The following C3orf49 variants were observed in gnomAD, a reference collection of about 807,000 sequenced individuals.
C3orf49 encodes putative uncharacterized protein C3orf49.
A neutral mutation model predicts 13.3 loss-of-function variants in C3orf49; 27 were observed. That is an observed-to-expected ratio of 2.02 (90% CI 1.49 to 2.79). C3orf49 has a LOEUF of 2.79. Among genes scored for constraint, C3orf49 ranks in the 30% most tolerant of loss-of-function variants. The pLI is 0.00. For synonymous variants in C3orf49, 87 were observed against 47.6 expected, an observed-to-expected ratio of 1.83 and a Z score of -3.40; for missense variants, 242 against 134.2, an observed-to-expected ratio of 1.80 and a Z score of -3.97.
chr3:63,832,549 C>T (rs541377483), intron 5 of C3orf49, among the ~76,000 whole-genome samples: 4 of 152,062 alleles, frequency 2.6e-5, no homozygotes, highest in Non-Finnish European at 5.9e-5. Flanking sequence ...GTAGTCCCAG[C>T]TACTCGGGAG....
chr3:63,841,381 T>G (rs1701757006), intron 5 of C3orf49, among the ~76,000 whole-genome samples: 1 of 152,230 alleles, frequency 6.6e-6, no homozygotes, highest in Admixed American at 6.5e-5. Flanking sequence ...TTTTCTGTTT[T>G]GTTTTTTATA....
chr3:63,789,929 C>T, the C3orf49 span, among the ~76,000 whole-genome samples: 2 of 151,884 alleles, frequency 1.3e-5, no homozygotes, highest in African/African-American at 4.8e-5. Flanking sequence ...ATATTAGATC[C>T]CTCTCATACA....
upstream of C3orf49, among the ~76,000 whole-genome samples, chr3:63,817,118 G>A (rs995355241): frequency 5.3e-5 from 8 of 151,882 alleles, no homozygotes; most frequent in African/African-American, 1.9e-4. Context: ...TTCCACCTCC[G>A]GGCTTTGGCA....
At chr3:63,811,893 C>T in the C3orf49 span, among the ~76,000 whole-genome samples, 1 of 149,944 alleles carries the variant, frequency 6.7e-6, no homozygotes, top group Non-Finnish European at 1.5e-5. Flanking sequence ...AAAGACAGAA[C>T]CAATAGAAAA....
At chr3:63,792,141 C>A in the C3orf49 span, among the ~76,000 whole-genome samples, 284 of 152,330 alleles carry the variant, frequency 1.9e-3, no homozygotes, top group Middle Eastern at 6.8e-3. Context: ...TTAGCAATGG[C>A]ATGACTACCA....
At chr3:63,811,336 A>T in the C3orf49 span, among the ~76,000 whole-genome samples, 18 of 151,608 alleles carry the variant, frequency 1.2e-4, no homozygotes, top group East Asian at 3.0e-3. Context: ...AGGCGAGCGG[A>T]TCACGAGGTC....
intron 5 of C3orf49, among the ~76,000 whole-genome samples, chr3:63,837,130 G>C (rs1247293281): frequency 6.6e-6 from 1 of 151,662 alleles, no homozygotes; most frequent in Non-Finnish European, 1.5e-5. Context: ...TTTTAGAACT[G>C]AGCATATTAA....
At chr3:63,803,169 C>G in the C3orf49 span, among the ~76,000 whole-genome samples, 3 of 152,192 alleles carry the variant, frequency 2.0e-5, no homozygotes, top group African/African-American at 4.8e-5. Flanking sequence ...ATGTCTCTTT[C>G]CTGCACAACT....
At chr3:63,816,689 G>C (rs1282871207), upstream of C3orf49, among the ~76,000 whole-genome samples, 1 of 151,512 alleles carries the variant, frequency 6.6e-6, no homozygotes, top group African/African-American at 2.4e-5. Flanking sequence ...CAAGAGATTT[G>C]GTCCTCCCTC....
In C3orf49 at chr3:63,835,025, C is replaced by A. The variant is rs867863832; in HGVS notation, c.849+3181C>A. 3.5e-6 allele frequency: 3 copies of A among 851,194 alleles called. No homozygotes were observed. The Admixed American group carries it at 8.9e-5, about 25-fold the overall frequency. The allele number at this position is 851,194 out of a possible 1,614,324, so 52.7% of individuals were successfully genotyped here. A position where few individuals can be genotyped will look rare whatever the true frequency, so the allele number is the denominator to read the frequency against. Reference sequence around the variant, plus strand: ...AAAGTTGAACATGAGTACCTTCTAACGTCATCCAGCTACACTGTTCAGAAA... The same window carrying A: ...AAAGTTGAACATGAGTACCTTCTAAAGTCATCCAGCTACACTGTTCAGAAA... On this transcript the variant is annotated intron_variant, in intron 5 of 6. Transcript: ENST00000295896.
the C3orf49 span, among the ~76,000 whole-genome samples, chr3:63,789,030 A>T: frequency 1.3e-5 from 2 of 152,084 alleles, no homozygotes; most frequent in Non-Finnish European, 2.9e-5. Context: ...GGGTTCCCCA[A>T]CCCCCAGGCC....
chr3:63,802,330 A>G, the C3orf49 span, among the ~76,000 whole-genome samples: 2 of 152,236 alleles, frequency 1.3e-5, no homozygotes, highest in Admixed American at 1.3e-4. Flanking sequence ...TTGCAAAACA[A>G]ACAAGCATAT....
intron 3 of C3orf49, among the ~76,000 whole-genome samples, chr3:63,830,795 C>G (rs1443457480): frequency 6.6e-6 from 1 of 152,148 alleles, no homozygotes; most frequent in Non-Finnish European, 1.5e-5. Flanking sequence ...TTACTGTGCT[C>G]AGCAGCTGCA....
At chr3:63,802,973 CT>C in the C3orf49 span, among the ~76,000 whole-genome samples, 1 of 152,134 alleles carries the variant, frequency 6.6e-6, no homozygotes, top group East Asian at 1.9e-4. Context: ...GCTATTTAGA[CT>C]TAAAACAAAA....
the C3orf49 span, among the ~76,000 whole-genome samples, chr3:63,810,877 C>A: frequency 2.0e-5 from 3 of 152,334 alleles, no homozygotes; most frequent in Admixed American, 2.0e-4. Context: ...GACAGAGTCT[C>A]ACTCTCTCAC....
chr3:63,790,170 A>G, the C3orf49 span, among the ~76,000 whole-genome samples: 1 of 152,086 alleles, frequency 6.6e-6, no homozygotes. Flanking sequence ...TCTATCCATC[A>G]ATAAGAGAGG....
chr3:63,843,129 T>C (rs2107134829), intron 5 of C3orf49, among the ~76,000 whole-genome samples: 1 of 150,940 alleles, frequency 6.6e-6, no homozygotes, highest in South Asian at 2.1e-4. Flanking sequence ...TGTTTGTTTG[T>C]TTGTTTGGAG....
chr3:63,811,934 T>A, the C3orf49 span, among the ~76,000 whole-genome samples: 18 of 145,938 alleles, frequency 1.2e-4, 1 homozygote, highest in Admixed American at 9.6e-4. Context: ...AATTTAAAAT[T>A]AAAAAAAAAA....
chr3:63,815,687 A>G (rs1701315824), upstream of C3orf49, among the ~76,000 whole-genome samples: 1 of 151,614 alleles, frequency 6.6e-6, no homozygotes, highest in South Asian at 2.1e-4. Flanking sequence ...TTTCTTGATG[A>G]TTTTGGAGGA....
Sources: allele counts gnomAD v4.1 joint callset (sites outside exome capture counted in the v4.1 genomes callset), GRCh38; gene constraint gnomAD v4.1.1; transcripts MANE v1.5; gene names NCBI Gene and HGNC (gene_info 2026-07-23, HGNC 2026-07-21).